Variants in PPP1R9A observed in about 807,000 individuals in gnomAD.
PPP1R9A encodes the protein neurabin-1.
Under a neutral mutation model 141.9 loss-of-function variants are expected in PPP1R9A, and 59 were observed. The ratio of observed to expected loss-of-function variants is 0.42; its 90% CI spans 0.34 to 0.52. The LOEUF is 0.52. PPP1R9A is among the 20% of genes least tolerant of loss of function. The pLI is 0.10. For missense variants in PPP1R9A, 1,444 were observed against 1,611.9 expected (o/e 0.90, Z 1.78); for synonymous variants, 500 against 569.7 (o/e 0.88, Z 1.74).
chr7:95,244,857 G>A (rs1797907194), intron 8 of PPP1R9A, among the ~76,000 whole-genome samples: 1 of 152,072 alleles, frequency 6.6e-6, no homozygotes, highest in South Asian at 2.1e-4. Context: ...TGCTTTATAT[G>A]GGTTTTATCA....
intron 7 of PPP1R9A, among the ~76,000 whole-genome samples, chr7:95,221,920 C>A (rs912609377): frequency 6.6e-6 from 1 of 151,918 alleles, no homozygotes; most frequent in Non-Finnish European, 1.5e-5. Flanking sequence ...AAAAGATGAG[C>A]AAATAAATGA....
At chr7:94,981,990 A>G (rs1307493882) in intron 2 of PPP1R9A, among the ~76,000 whole-genome samples, 2 of 127,044 alleles carry the variant, frequency 1.6e-5, no homozygotes, top group East Asian at 2.2e-4. Context: ...CCACCCCACT[A>G]CAGGCCTCAG....
chr7:95,196,813 C>T lies in PPP1R9A; in HGVS notation c.1755-1536C>T, dbSNP rs142910524. ...AATAGTTTGGGTTGATGGAAATGTTCTGTATCTTCATTGGTGTGGTAATTA... is the reference window on the plus strand; with the variant it reads ...AATAGTTTGGGTTGATGGAAATGTTTTGTATCTTCATTGGTGTGGTAATTA... On this transcript the variant is annotated intron_variant, in intron 5 of 19. Transcript: ENST00000433360. Among the ~76,000 whole-genome samples the T allele has an allele frequency of 3.1e-3, 476 of 152,224 alleles. 3 individuals carry two copies. Among genetic ancestry groups the T allele is most frequent in the African/African-American group, 0.011 (467 of 41,538 alleles).
chr7:95,018,130 G>A, intron 2 of PPP1R9A: 2 of 187,332 alleles, frequency 1.1e-5, no homozygotes. Flanking sequence ...TCATTGCCTA[G>A]AGAAGGGAAA....
chr7:95,009,605 A>G (rs2151606481), intron 2 of PPP1R9A, among the ~76,000 whole-genome samples: 1 of 152,318 alleles, frequency 6.6e-6, no homozygotes, highest in East Asian at 1.9e-4. Context: ...ATTTTCAAGA[A>G]TACTGGGAGT....
intron 7 of PPP1R9A, among the ~76,000 whole-genome samples, chr7:95,224,374 C>A (rs1386734171): frequency 1.3e-5 from 2 of 152,090 alleles, no homozygotes; most frequent in African/African-American, 4.8e-5. Flanking sequence ...ACACAGATGC[C>A]ACCAATGTCA....
intron 2 of PPP1R9A, among the ~76,000 whole-genome samples, chr7:95,087,901 AAGAG>A (rs200581736): frequency 3.3e-5 from 5 of 151,574 alleles, no homozygotes; most frequent in Admixed American, 1.3e-4. Flanking sequence ...TCTCAAAAAA[AAGAG>A]AGAGAGAAAA....
intron 2 of PPP1R9A, among the ~76,000 whole-genome samples, chr7:95,013,613 T>A (rs992723759): frequency 6.6e-6 from 1 of 152,134 alleles, no homozygotes; most frequent in South Asian, 2.1e-4. Flanking sequence ...GCTGTTGTAG[T>A]GGGACAGATT....
intron 2 of PPP1R9A, among the ~76,000 whole-genome samples, chr7:94,947,447 G>C (rs567455327): frequency 1.3e-4 from 20 of 152,282 alleles, no homozygotes; most frequent in African/African-American, 4.6e-4. Context: ...AGGTTGAGCA[G>C]AGCCGTATGT....
At chr7:94,942,708 G>T (rs1584320981) in intron 2 of PPP1R9A, among the ~76,000 whole-genome samples, 1 of 151,984 alleles carries the variant, frequency 6.6e-6, no homozygotes, top group East Asian at 1.9e-4. Flanking sequence ...GGAGGCTGAG[G>T]CAGGGGAATC....
At position 95,001,305 on chromosome 7, in the gene PPP1R9A, C is replaced by T. The variant is rs530900338; in HGVS notation, c.1395+89797C>T. On this transcript the variant is annotated intron_variant, in intron 2 of 19. Coordinates refer to ENST00000433360, the MANE Select transcript of PPP1R9A (RefSeq NM_001166160.2). ...AAAGTAAAACATACAAACAAACAAA[C>T]AACAATAGCAAAAAACGCTTTGTGT... 9.9e-5 allele frequency among the ~76,000 whole-genome samples: 15 copies of T among 152,156 alleles called. No individual in the cohort carries two copies. The South Asian group carries it at 3.1e-3, about 32-fold the overall frequency.
In PPP1R9A at chr7:95,203,714, AC is replaced by A. The variant is rs1410255839; in HGVS notation, c.1941del (p.Asn647LysfsTer19). 1 of 1,536,294 alleles carries A rather than the reference AC, an allele frequency of 6.5e-7. No homozygotes were observed. Among genetic ancestry groups the A allele is most frequent in the South Asian group, 1.2e-5 (1 of 83,956 alleles). ...ATGTCTGGCAACTGCAATAACAATA[AC>A]AACTATTTTCTTAAGGTTTGTTTTT... ...QGMSGNCNNNNNYFLKTGEYA... is the reference protein window; with the variant it reads ...QGMSGNCNNNXNYFLKTGEYA... On this transcript the variant is annotated frameshift_variant, in exon 7 of 20. Transcript: ENST00000433360. LOFTEE classifies it high-confidence loss of function.
intron 2 of PPP1R9A, among the ~76,000 whole-genome samples, chr7:94,972,969 G>A (rs1799020771): frequency 6.6e-6 from 1 of 152,266 alleles, no homozygotes; most frequent in East Asian, 1.9e-4. Flanking sequence ...AAGACCAATG[G>A]AATGAATAGA....
chr7:95,208,982 T>C (rs1312535538), intron 7 of PPP1R9A, among the ~76,000 whole-genome samples: 2 of 119,638 alleles, frequency 1.7e-5, no homozygotes, highest in African/African-American at 6.8e-5. Flanking sequence ...AAAAAAACTC[T>C]GATAAAATTC....
At chr7:95,140,402 TA>T (rs1826442048) in intron 4 of PPP1R9A, among the ~76,000 whole-genome samples, 1 of 152,248 alleles carries the variant, frequency 6.6e-6, no homozygotes, top group Admixed American at 6.5e-5. Flanking sequence ...TATTTCACTT[TA>T]TTTTTTTGAC....
At chr7:95,016,396 G>T (rs1805108837) in intron 2 of PPP1R9A, among the ~76,000 whole-genome samples, 1 of 151,916 alleles carries the variant, frequency 6.6e-6, no homozygotes, top group South Asian at 2.1e-4. Context: ...GCCAAAACCG[G>T]ATAAAAACAT....
intron 1 of PPP1R9A, chr7:94,908,045 A>AGCCGC (rs1419918806): frequency 6.7e-6 from 1 of 149,274 alleles, no homozygotes; most frequent in Non-Finnish European, 1.5e-5. Context: ...CGCCGAGCCG[A>AGCCGC]GCCGCCGCGT....
At chr7:95,201,859 A>G (rs978627847) in intron 6 of PPP1R9A, among the ~76,000 whole-genome samples, 1 of 152,190 alleles carries the variant, frequency 6.6e-6, no homozygotes, top group Non-Finnish European at 1.5e-5. Context: ...CCAGCCAGGA[A>G]AACCTCCATT....
chr7:94,946,263 G>C (rs1349904594), intron 2 of PPP1R9A, among the ~76,000 whole-genome samples: 1 of 151,998 alleles, frequency 6.6e-6, no homozygotes, highest in East Asian at 1.9e-4. Context: ...TCTTCTGTCT[G>C]ATTTGGGCTT....
Sources: gnomAD v4.1 joint callset for allele counts (sites outside exome capture counted in the v4.1 genomes callset) on GRCh38, gnomAD v4.1.1 for gene constraint, MANE v1.5 for transcripts, NCBI Gene and HGNC (gene_info 2026-07-23, HGNC 2026-07-21) for gene names.